Variants in HBP1 observed in about 807,000 individuals in gnomAD.
The protein encoded by HBP1 is HMG box-containing protein 1.
In HBP1, 20 loss-of-function variants were observed where a neutral mutation model predicts 62.6. The ratio of observed to expected loss-of-function variants is 0.32; its 90% CI spans 0.22 to 0.46. The LOEUF is 0.46. Ranked by LOEUF, HBP1 falls within the 20% of genes least tolerant of loss-of-function variation. HBP1 has a pLI of 1.00. For synonymous variants in HBP1, 232 were observed against 206.2 expected (o/e 1.12, Z -1.07); for missense variants, 480 against 611.8 (o/e 0.78, Z 2.27).
At position 107,190,235 on chromosome 7, in the gene HBP1, C is replaced by T. The variant is rs763286252; in HGVS notation, c.985C>T (p.His329Tyr). The change falls in exon 8 of 11, where the codon CAT becomes TAT. Residue 329 changes from histidine to tyrosine, a missense_variant. His to Tyr is a moderately conservative substitution (Grantham distance 83, BLOSUM62 2). This residue lies in a region of HBP1 where 58 missense variants were observed against 128.5 expected (regional missense o/e 0.45). Coordinates refer to ENST00000222574, the MANE Select transcript of HBP1 (RefSeq NM_012257.4). ...VQHGIPCCEVHIGDVCLPPGH... is the reference protein window; with the variant it reads ...VQHGIPCCEVYIGDVCLPPGH... Reference sequence around the variant, plus strand: ...GCATGGCATTCCATGTTGTGAAGTTCATATTGGCGATGTATGTCTACCTCC... The same window carrying T: ...GCATGGCATTCCATGTTGTGAAGTTTATATTGGCGATGTATGTCTACCTCC... 3.7e-6 allele frequency: 6 copies of T among 1,611,214 alleles called. No individual in the cohort carries two copies. The highest frequency in any genetic ancestry group is 5.1e-6 in the Non-Finnish European group (6 of 1,177,566).
At chr7:107,192,121 G>T (rs984293237) in intron 8 of HBP1, among the ~76,000 whole-genome samples, 1 of 151,862 alleles carries the variant, frequency 6.6e-6, no homozygotes, top group Non-Finnish European at 1.5e-5. Context: ...TGGCACCTAG[G>T]GTTTTTATTG....
intron 2 of HBP1, among the ~76,000 whole-genome samples, chr7:107,180,289 CTACTT>C (rs1797049676): frequency 6.6e-6 from 1 of 152,204 alleles, no homozygotes; most frequent in African/African-American, 2.4e-5. Flanking sequence ...TTAAATTAAA[CTACTT>C]TACTTTGTGT....
chr7:107,183,355 G>A (rs940916909), intron 3 of HBP1, among the ~76,000 whole-genome samples: 5 of 152,200 alleles, frequency 3.3e-5, no homozygotes, highest in Non-Finnish European at 1.5e-5. Flanking sequence ...GCTCTTGAGT[G>A]TAATGCATTG....
intron 9 of HBP1, among the ~76,000 whole-genome samples, chr7:107,199,081 T>TTA (rs1326148105): frequency 1.3e-5 from 2 of 152,032 alleles, no homozygotes; most frequent in East Asian, 1.9e-4. Context: ...TAAAAATTGG[T>TTA]TATCATTTTA....
At chr7:107,191,515 G>A (rs952401211) in intron 8 of HBP1, among the ~76,000 whole-genome samples, 22 of 152,134 alleles carry the variant, frequency 1.4e-4, no homozygotes, top group African/African-American at 5.1e-4. Context: ...GTAAATTCTT[G>A]TAGTCATGCT....
intron 1 of HBP1, among the ~76,000 whole-genome samples, chr7:107,178,195 G>A (rs1796950907): frequency 6.6e-6 from 1 of 150,496 alleles, no homozygotes; most frequent in Non-Finnish European, 1.5e-5. Flanking sequence ...TTCTTTAAGA[G>A]GGGGGGTCTT....
chr7:107,190,538 T>G (rs1797598236), intron 8 of HBP1, among the ~76,000 whole-genome samples: 1 of 152,116 alleles, frequency 6.6e-6, no homozygotes, highest in African/African-American at 2.4e-5. Flanking sequence ...GAAAATTGAG[T>G]TTATAAAACA....
chr7:107,193,677 A>C (rs1328298373), intron 8 of HBP1, among the ~76,000 whole-genome samples: 1 of 152,142 alleles, frequency 6.6e-6, no homozygotes, highest in Non-Finnish European at 1.5e-5. Flanking sequence ...AAGAATGGCC[A>C]TACCTCTTTG....
chr7:107,195,914 G>A lies in HBP1; in HGVS notation c.1148G>A (p.Cys383Tyr). ...MARQRRASLS[C>Y]GGPGGQDFAR... ...CGCCAGCGTCGTGCATCTTTGTCTT[G>A]TGGAGGACCTGGTGGTCAAGACTTT... The change falls in exon 9 of 11, where the codon TGT becomes TAT. Residue 383 changes from cysteine to tyrosine, a missense_variant. Around this residue, in one of 4 missense-constraint regions of HBP1, gnomAD observed 66 missense variants for 56.4 expected, o/e 1.17. Coordinates refer to ENST00000222574, the MANE Select transcript of HBP1 (RefSeq NM_012257.4). 1 of 1,613,652 alleles carries A rather than the reference G, an allele frequency of 6.2e-7. No individual in the cohort carries two copies. The highest frequency in any genetic ancestry group is 2.2e-5 in the East Asian group (1 of 44,874).
chr7:107,199,282 A>G (rs911257789), intron 9 of HBP1, among the ~76,000 whole-genome samples: 2 of 152,114 alleles, frequency 1.3e-5, no homozygotes, highest in African/African-American at 2.4e-5. Flanking sequence ...GGGTTTCACC[A>G]TGTCGGCCAG....
intron 1 of HBP1, among the ~76,000 whole-genome samples, chr7:107,179,333 T>C (rs1473444969): frequency 1.3e-5 from 2 of 152,192 alleles, no homozygotes; most frequent in African/African-American, 4.8e-5. Flanking sequence ...AGAAAAGACT[T>C]TTTTTTATAA....
intron 1 of HBP1, chr7:107,169,674 C>CT (rs1434327266): frequency 2.2e-6 from 2 of 898,776 alleles, no homozygotes; most frequent in Non-Finnish European, 2.7e-6. Context: ...TCTGGCTGAG[C>CT]TGAGGAGCTC....
chr7:107,186,519 T>G, intron 5 of HBP1, 47 bp downstream of exon 5: 1 of 1,563,446 alleles, frequency 6.4e-7, no homozygotes, highest in Non-Finnish European at 8.8e-7. Flanking sequence ...CACAGCTTAC[T>G]TGTCTAGTAC....
intron 9 of HBP1, chr7:107,196,616 G>GT (rs763270352): frequency 3.6e-4 from 88 of 245,600 alleles, no homozygotes; most frequent in Middle Eastern, 3.1e-3. Flanking sequence ...AGGGTTATAT[G>GT]TAATTATTTT....
intron 2 of HBP1, 105 bp downstream of exon 2, chr7:107,180,167 A>G: frequency 1.6e-6 from 1 of 610,694 alleles, no homozygotes; most frequent in South Asian, 2.8e-5. Context: ...AGGGATATGA[A>G]GTATTTGTAT....
chr7:107,171,826 C>T (rs569943145), intron 1 of HBP1, among the ~76,000 whole-genome samples: 24 of 146,048 alleles, frequency 1.6e-4, no homozygotes, highest in Non-Finnish European at 3.1e-4. Flanking sequence ...GGCCACTGTA[C>T]TCCAGCCTGG....
In HBP1 at chr7:107,201,942, C is replaced by G. The variant is rs1183115200; in HGVS notation, c.*511C>G. 6.5e-6 allele frequency: 1 copy of G among 152,722 alleles called. No homozygotes were observed. Among genetic ancestry groups the G allele is most frequent in the Non-Finnish European group, 1.5e-5 (1 of 68,098 alleles). The allele number at this position is 152,722 out of a possible 1,614,324, so 9.5% of individuals were successfully genotyped here. ...TGTGCCAAACATAGGCGCTCCTAGT[C>G]TGGTCAGTGCCAAGAGGCTACCAGA... On this transcript the variant is annotated 3_prime_UTR_variant, in exon 11 of 11. Transcript: ENST00000222574.
Position 107,193,196 on chromosome 7 carries a change from T to C in HBP1, c.1068-2638T>C, listed in dbSNP as rs546795317. 6.6e-5 allele frequency: 10 copies of C among 152,330 alleles called. No individual in the cohort carries two copies. In the South Asian group the frequency reaches 2.1e-3, roughly 32 times the overall value. The allele number at this position is 152,330 out of a possible 1,614,324, so 9.4% of individuals were successfully genotyped here. ...GTTTTGACTCTTTGAAGTTGACATTTCTGTTCAGGTAATATGATTTAACAA... is the reference window on the plus strand; with the variant it reads ...GTTTTGACTCTTTGAAGTTGACATTCCTGTTCAGGTAATATGATTTAACAA... On this transcript the variant is annotated intron_variant, in intron 8 of 10. Transcript: ENST00000222574.
intron 10 of HBP1, 114 bp downstream of exon 10, chr7:107,200,415 A>G (rs1798180535): frequency 4.2e-6 from 3 of 711,604 alleles, no homozygotes; most frequent in African/African-American, 3.6e-5. Context: ...TGTCTCTAGC[A>G]TTTTTATACT....
Sources: allele counts gnomAD v4.1 joint callset (sites outside exome capture counted in the v4.1 genomes callset), GRCh38; gene constraint gnomAD v4.1.1; regional missense constraint gnomAD v4.1.1; transcripts MANE v1.5; gene names NCBI Gene and HGNC (gene_info 2026-07-23, HGNC 2026-07-21).